Variants in ARRDC1 observed in about 807,000 individuals in gnomAD.
ARRDC1 encodes arrestin domain containing 1, also known as arrestin domain-containing protein 1.
ARRDC1 carries 37 observed loss-of-function variants against 40.1 expected under a neutral mutation model. The ratio of observed to expected loss-of-function variants is 0.92; its 90% CI spans 0.71 to 1.21. The LOEUF is 1.21. ARRDC1 is among the 50% of genes most tolerant of loss of function. The pLI is 0.00. For missense variants in ARRDC1, 641 were observed against 581.9 expected, an observed-to-expected ratio of 1.10 and a Z score of -1.04; for synonymous variants, 310 against 262.5, an observed-to-expected ratio of 1.18 and a Z score of -1.75.
chr9:137,615,237 G>A lies in ARRDC1; in HGVS notation c.*99G>A. On this transcript the variant is annotated 3_prime_UTR_variant, in exon 8 of 8. Transcript: ENST00000371421. Reference sequence around the variant, plus strand: ...TCTTGGCCTAGCCTGGCCCACTCAGGACCTGCCCAGCCTCTGCCAGCTCCT... The same window carrying A: ...TCTTGGCCTAGCCTGGCCCACTCAGAACCTGCCCAGCCTCTGCCAGCTCCT... The A allele has an allele frequency of 8.6e-7, 1 of 1,161,126 alleles. No homozygotes were observed. The highest frequency in any genetic ancestry group is 1.2e-6 in the Non-Finnish European group (1 of 860,782). 71.9% of individuals were successfully genotyped at this position (1,161,126 alleles called of 1,614,324 possible).
Position 137,605,880 on chromosome 9 carries a change from G to A in ARRDC1, c.118+45G>A, listed in dbSNP as rs1488673865. 7.0e-6 allele frequency: 8 copies of A among 1,137,694 alleles called. No homozygotes were observed. The Admixed American group carries it at 1.3e-4, about 19-fold the overall frequency. The allele number at this position is 1,137,694 out of a possible 1,614,324, so 70.5% of individuals were successfully genotyped here. On this transcript the variant is annotated intron_variant, in intron 1 of 7. Coordinates refer to ENST00000371421, the MANE Select transcript of ARRDC1 (RefSeq NM_152285.4). ...GAGGGCCTTTGGCCGCACCTGCGCGGGGCCAGGGCTCCCGGAAGCGGCTGC... is the reference window on the plus strand; with the variant it reads ...GAGGGCCTTTGGCCGCACCTGCGCGAGGCCAGGGCTCCCGGAAGCGGCTGC...
rs2501563 is a variant in ARRDC1 at position 137,615,190 on chromosome 9, G to A, written c.*52G>A. The A allele has an allele frequency of 2.4e-3, 3,505 of 1,451,312 alleles. 69 individuals carry two copies. In the African/African-American group the frequency reaches 0.045, roughly 18 times the overall value. The allele number at this position is 1,451,312 out of a possible 1,614,324, so 89.9% of individuals were successfully genotyped here. A position where few individuals can be genotyped will look rare whatever the true frequency, so the allele number is the denominator to read the frequency against. Reference sequence around the variant, plus strand: ...CTGGCCTCTGCCCTGGGACTGGGGCGCCCAGGGCCTCGTGCCTTCTCTCTT... The same window carrying A: ...CTGGCCTCTGCCCTGGGACTGGGGCACCCAGGGCCTCGTGCCTTCTCTCTT... On this transcript the variant is annotated 3_prime_UTR_variant, in exon 8 of 8. Coordinates refer to ENST00000371421, the MANE Select transcript of ARRDC1 (RefSeq NM_152285.4).
intron 1 of ARRDC1, among the ~76,000 whole-genome samples, chr9:137,606,367 GGAGGTGAGGGCCGGCCCGC>G (rs1171502624): frequency 6.6e-6 from 1 of 152,044 alleles, no homozygotes; most frequent in Non-Finnish European, 1.5e-5. Flanking sequence ...AGGGCGCCCT[GGAGGTGAGGGCCGGCCCGC>G]GAGGTGAGGC....
intron 1 of ARRDC1, among the ~76,000 whole-genome samples, chr9:137,608,123 C>T (rs766002989): frequency 2.8e-4 from 42 of 152,164 alleles, no homozygotes; most frequent in Non-Finnish European, 3.4e-4. Flanking sequence ...GCTGGGACTA[C>T]AGGCGCCCGC....
At chr9:137,606,680 G>T (rs1842429075) in intron 1 of ARRDC1, among the ~76,000 whole-genome samples, 1 of 152,242 alleles carries the variant, frequency 6.6e-6, no homozygotes, top group African/African-American at 2.4e-5. Flanking sequence ...GAAGCCGGGT[G>T]GTAGGTGCTT....
intron 1 of ARRDC1, among the ~76,000 whole-genome samples, 154 bp downstream of exon 1, chr9:137,605,989 G>A (rs527651007): frequency 1.3e-5 from 2 of 151,632 alleles, no homozygotes; most frequent in South Asian, 4.1e-4. Flanking sequence ...CGGCGCCGGG[G>A]AGGTCCGGGC....
At position 137,614,553 on chromosome 9, in the gene ARRDC1, G is replaced by A; in HGVS notation, c.796-6G>A. On this transcript the variant is annotated splice_polypyrimidine_tract_variant and splice_region_variant and intron_variant, in intron 6 of 7. Coordinates refer to ENST00000371421, the MANE Select transcript of ARRDC1 (RefSeq NM_152285.4). ...GCCCCTCATGCCCCACCTCAATCCT[G>A]TCCAGGTCTCTCTGAAGGCGCCGGA... 1.2e-6 allele frequency: 2 copies of A among 1,613,072 alleles called. No homozygotes were observed. Among genetic ancestry groups the A allele is most frequent in the Non-Finnish European group, 1.7e-6 (2 of 1,179,934 alleles).
chr9:137,614,621 G>A lies in ARRDC1; in HGVS notation c.858G>A (p.Val286=), dbSNP rs746167501. The A allele has an allele frequency of 7.4e-5, 119 of 1,612,780 alleles. No homozygotes were observed. The highest frequency in any genetic ancestry group is 8.8e-5 in the Non-Finnish European group (104 of 1,179,864). The change falls in exon 7 of 8, where the codon GTG becomes GTA. Residue 286 remains valine, a synonymous_variant. Transcript: ENST00000371421. ...TLPVFIGNIA[V]NHAPVSPRPG... is the part of the protein sequence containing the mutation. The stretch of plus-strand genomic sequence containing the variant: ...CGGTCTTCATTGGCAATATTGCTGT[G>A]AACCATGCCCCAGTGAGCCCCCGGC...
Position 137,614,697 on chromosome 9 carries a change from C to T in ARRDC1, c.934C>T (p.Pro312Ser), listed in dbSNP as rs1324681833. The T allele has an allele frequency of 3.7e-6, 6 of 1,611,472 alleles. No individual in the cohort carries two copies. The highest frequency in any genetic ancestry group is 5.1e-6 in the Non-Finnish European group (6 of 1,179,494). ...CCCACCCCTGGTGGTGCCTTCCGCA[C>T]CACCCCAGGAGGAGGCTGAGGCTGA... The part of the protein sequence containing the change: ...GAPPLVVPSA[P>S]PQEEAEAEAA... The change falls in exon 7 of 8, where the codon CCA becomes TCA. Residue 312 changes from proline to serine, a missense_variant. By Grantham distance (74) the Pro-to-Ser change is moderately conservative. Coordinates refer to ENST00000371421, the MANE Select transcript of ARRDC1 (RefSeq NM_152285.4).
At chr9:137,613,028 C>T (rs62622789) in intron 2 of ARRDC1, 22 bp downstream of exon 2, 96,119 of 1,582,580 alleles carry the variant, frequency 0.061, 3,462 homozygotes, top group South Asian at 0.13. Context: ...AGCCAGTTCC[C>T]GAGTGGTGAC....
intron 1 of ARRDC1, among the ~76,000 whole-genome samples, chr9:137,607,854 G>C (rs1239489404): frequency 2.0e-5 from 3 of 152,196 alleles, no homozygotes; most frequent in African/African-American, 4.8e-5. Context: ...AGCTGGAGAA[G>C]AAAGTTCCAG....
At position 137,605,735 on chromosome 9, in the gene ARRDC1, C is replaced by G; in HGVS notation, c.18C>G (p.Leu6=). 1 of 1,386,570 alleles carries G rather than the reference C, an allele frequency of 7.2e-7. No individual in the cohort carries two copies. Among genetic ancestry groups the G allele is most frequent in the Non-Finnish European group, 9.4e-7 (1 of 1,066,748 alleles). The allele number at this position is 1,386,570 out of a possible 1,614,324, so 85.9% of individuals were successfully genotyped here. A position where few individuals can be genotyped will look rare whatever the true frequency, so the allele number is the denominator to read the frequency against. MGRVQ[L]FEISLSHGRV... ...GCCGCGGCATGGGGCGAGTGCAGCT[C>G]TTCGAGATCAGCCTGAGCCACGGCC... Residue 6 remains leucine (L), a synonymous_variant, in exon 1 of 8, where the codon CTC becomes CTG. Coordinates refer to ENST00000371421, the MANE Select transcript of ARRDC1 (RefSeq NM_152285.4).
rs181357513 is a variant in ARRDC1 at position 137,615,272 on chromosome 9, G to A, written c.*134G>A. ...GCCTCTGCCAGCTCCTCTGGCATCC[G>A]CCCTCTTCTCCCTGGGGCTGGGGTG... is the stretch of plus-strand genomic sequence containing the variant. On this transcript the variant is annotated 3_prime_UTR_variant, in exon 8 of 8. Transcript: ENST00000371421. 1.2e-3 allele frequency: 1,043 copies of A among 852,750 alleles called. 10 individuals are homozygous for A. The African/African-American group carries it at 0.016, about 13-fold the overall frequency. 52.8% of individuals were successfully genotyped at this position (852,750 alleles called of 1,614,324 possible).
rs1307238767 is a variant in ARRDC1 at position 137,614,298 on chromosome 9, G to C, written c.619-1G>C. On this transcript the variant is annotated splice_acceptor_variant, in intron 5 of 7. Transcript: ENST00000371421. LOFTEE classifies it high-confidence loss of function. ...AGGCTCACAGGCTGGTCCTTCCCCAGAAAGTGTCCTATAAGGCCAAGCGCT... is the reference window on the plus strand; with the variant it reads ...AGGCTCACAGGCTGGTCCTTCCCCACAAAGTGTCCTATAAGGCCAAGCGCT... The C allele has an allele frequency of 6.3e-7, 1 of 1,589,452 alleles. No homozygotes were observed. The highest frequency in any genetic ancestry group is 2.2e-5 in the East Asian group (1 of 44,586).
intron 1 of ARRDC1, 40 bp from the exon 2 acceptor site, chr9:137,612,856 C>T (rs2282020): frequency 0.14 from 213,235 of 1,517,656 alleles, 17,692 homozygotes; most frequent in Admixed American, 0.38. Context: ...GGGCCTGGGC[C>T]GTCGGCTGGC....
At chr9:137,611,469 G>C (rs1842515847) in intron 1 of ARRDC1, 1 of 152,422 alleles carries the variant, frequency 6.6e-6, no homozygotes. Context: ...TGAGATGGGT[G>C]GATCGCTTGA....
At chr9:137,609,742 T>C (rs2133331068) in intron 1 of ARRDC1, among the ~76,000 whole-genome samples, 1 of 151,756 alleles carries the variant, frequency 6.6e-6, no homozygotes, top group South Asian at 2.1e-4. Context: ...CCTAGGCTGC[T>C]GTCACACTTC....
At position 137,614,338 on chromosome 9, in the gene ARRDC1, C is replaced by G; in HGVS notation, c.658C>G (p.Arg220Gly). Residue 220 changes from arginine to glycine, a missense_variant, in exon 6 of 8, where the codon CGG becomes GGG. Arg to Gly is a moderately radical substitution (Grantham distance 125). Coordinates refer to ENST00000371421, the MANE Select transcript of ARRDC1 (RefSeq NM_152285.4). ...YKAKRWIHDV[R>G]TIAEVEGAGV... The stretch of plus-strand genomic sequence containing the variant: ...GGCCAAGCGCTGGATCCACGACGTA[C>G]GGACCATTGCGGAGGTGGAGGGTGC... 1.2e-6 allele frequency: 2 copies of G among 1,611,644 alleles called. No individual in the cohort carries two copies. Among genetic ancestry groups the G allele is most frequent in the Non-Finnish European group, 1.7e-6 (2 of 1,178,888 alleles).
Position 137,613,689 on chromosome 9 carries a change from C to T in ARRDC1, c.355C>T (p.Arg119Trp), listed in dbSNP as rs776859943. The change falls in exon 4 of 8, where the codon CGG (arginine) becomes TGG (tryptophan). Residue 119 changes from arginine (R) to tryptophan (W), a missense_variant. By Grantham distance (101) the Arg-to-Trp change is moderately radical. Coordinates refer to ENST00000371421, the MANE Select transcript of ARRDC1 (RefSeq NM_152285.4). ...HQVRAAIHTP[R>W]FSKDHKCSLV... ...GGTGAGGGCCGCCATCCACACGCCA[C>T]GGTTTTCCAAGGATCACAAGTGCAG... is the stretch of plus-strand genomic sequence containing the variant. The T allele has an allele frequency of 8.1e-6, 13 of 1,614,134 alleles. No individual in the cohort carries two copies. Among genetic ancestry groups the T allele is most frequent in the East Asian group, 6.7e-5 (3 of 44,904 alleles).
Sources: gnomAD v4.1 joint callset for allele counts (sites outside exome capture counted in the v4.1 genomes callset) on GRCh38, gnomAD v4.1.1 for gene constraint, MANE v1.5 for transcripts, NCBI Gene and HGNC (gene_info 2026-07-23, HGNC 2026-07-21) for gene names.